WDR33: variants seen among roughly 807,000 people sequenced by gnomAD.
WDR33 encodes the protein WD repeat domain 33.
In WDR33, 47 loss-of-function variants were observed where a neutral mutation model predicts 164.9. The ratio of observed to expected loss-of-function variants is 0.29; its 90% confidence interval spans 0.23 to 0.36. WDR33 has a LOEUF of 0.36. Among genes scored for constraint, WDR33 ranks in the 10% least tolerant of loss-of-function variants. The pLI is 1.00. For synonymous variants in WDR33, 505 were observed against 589.0 expected, an observed-to-expected ratio of 0.86 and a Z score of 2.06; for missense variants, 1,137 against 1,754.1, an observed-to-expected ratio of 0.65 and a Z score of 6.28.
intron 1 of WDR33, among the ~76,000 whole-genome samples, chr2:127,780,543 A>G (rs1270073111): frequency 6.6e-6 from 1 of 152,212 alleles, no homozygotes; most frequent in Non-Finnish European, 1.5e-5. Flanking sequence ...TCAATCTGTT[A>G]AAGAATAATC....
At chr2:127,805,967 C>T (rs560805011) in intron 1 of WDR33, among the ~76,000 whole-genome samples, 4 of 149,634 alleles carry the variant, frequency 2.7e-5, no homozygotes, top group Non-Finnish European at 4.5e-5. Context: ...AAAAAAAAAC[C>T]GCAGGTGTGG....
rs10206957 is a variant in WDR33 at position 127,701,640 on chromosome 2, C to G, written c.*4683G>C. On this transcript the variant is annotated 3_prime_UTR_variant, in exon 22 of 22. Transcript: ENST00000322313. ...GGAGAAGGCGGAGGAGCCCGGGGAC[C>G]GGCCGGCGGAGGAGTGGCTGGGCCG... The G allele has an allele frequency of 0.3, 396,488 of 1,307,276 alleles. 64,748 individuals carry two copies. The highest frequency in any genetic ancestry group is 0.57 in the African/African-American group (37,241 of 64,772). The allele number at this position is 1,307,276 out of a possible 1,614,324, so 81.0% of individuals were successfully genotyped here.
Position 127,713,757 on chromosome 2 carries a change from C to G in WDR33, c.3134G>C (p.Trp1045Ser). 1 of 1,614,276 alleles carries G rather than the reference C, an allele frequency of 6.2e-7. No homozygotes were observed. Among genetic ancestry groups the G allele is most frequent in the Non-Finnish European group, 8.5e-7 (1 of 1,180,048 alleles). Residue 1045 changes from tryptophan to serine, a missense_variant, in exon 18 of 22, where the codon TGG (tryptophan) becomes TCG (serine). Coordinates refer to ENST00000322313, the MANE Select transcript of WDR33 (RefSeq NM_018383.5). This position sits in a 1 kb window ranked among gnomAD's most constrained non-coding sequence, Gnocchi z 6.2. ...RGGPLPQEEK[W>S]RRGGPGPPFP... ...CGGAGGCCCAGGGCCCCCTCGCCTC[C>G]ACTTCTCTTCTTGCGGTAAAGGTCC...
intron 7 of WDR33, among the ~76,000 whole-genome samples, chr2:127,740,104 C>G (rs184498962): frequency 6.6e-6 from 1 of 152,262 alleles, no homozygotes; most frequent in East Asian, 1.9e-4. Flanking sequence ...TAAGGTAATA[C>G]TTTTAATGTA....
chr2:127,786,863 T>TTTTTA (rs1553479882), intron 1 of WDR33, among the ~76,000 whole-genome samples: 8 of 122,772 alleles, frequency 6.5e-5, no homozygotes, highest in African/African-American at 1.3e-4. Flanking sequence ...TTTTTTTTTT[T>TTTTTA]AATTTATTTT....
chr2:127,719,970 G>T lies in WDR33; in HGVS notation c.2055C>A (p.Gly685=), dbSNP rs753786703. The T allele has an allele frequency of 1.2e-6, 2 of 1,613,924 alleles. No individual in the cohort carries two copies. Among genetic ancestry groups the T allele is most frequent in the Admixed American group, 1.7e-5 (1 of 60,018 alleles). The change falls in exon 16 of 22, where the codon GGC becomes GGA. Residue 685 remains glycine (G), a synonymous_variant. Transcript: ENST00000322313. The surrounding 1 kb of genome is among the most constrained non-coding windows in gnomAD (Gnocchi z 6.5). Reference sequence around the variant, plus strand: ...CAGGTGGCCCTTGAGGTCCCAAAGGGCCATGAGGTCCAGGATGCCTCTGCA... The same window carrying T: ...CAGGTGGCCCTTGAGGTCCCAAAGGTCCATGAGGTCCAGGATGCCTCTGCA... ...QGMQRHPGPH[G]PLGPQGPPGP... is the part of the protein sequence containing the mutation.
chr2:127,782,129 G>A (rs563559079), intron 1 of WDR33, among the ~76,000 whole-genome samples: 3 of 151,992 alleles, frequency 2.0e-5, no homozygotes, highest in Admixed American at 1.3e-4. Context: ...ATTTTCAGCC[G>A]GGCGCAGTGG....
intron 7 of WDR33, among the ~76,000 whole-genome samples, chr2:127,742,312 G>C (rs1350593155): frequency 6.6e-6 from 1 of 152,042 alleles, no homozygotes; most frequent in Non-Finnish European, 1.5e-5. Flanking sequence ...TGGATTGCTT[G>C]AGCTCAGGAG....
chr2:127,745,451 G>T (rs548185885), intron 7 of WDR33, among the ~76,000 whole-genome samples: 1 of 152,208 alleles, frequency 6.6e-6, no homozygotes, highest in East Asian at 1.9e-4. Context: ...CGGAGTGAAG[G>T]TTTCTCACCC....
chr2:127,775,169 T>C (rs1688146797), intron 1 of WDR33, among the ~76,000 whole-genome samples: 1 of 152,192 alleles, frequency 6.6e-6, no homozygotes, highest in Non-Finnish European at 1.5e-5. Flanking sequence ...AATTAAAGAA[T>C]AATGGGCTTA....
chr2:127,751,685 A>G (rs1687369489), intron 7 of WDR33, among the ~76,000 whole-genome samples: 2 of 152,212 alleles, frequency 1.3e-5, no homozygotes, highest in South Asian at 4.1e-4. Flanking sequence ...TACCACCACC[A>G]AAGTTTTGAA....
chr2:127,737,309 A>C (rs1686873719), intron 7 of WDR33: 1 of 985,298 alleles, frequency 1.0e-6, no homozygotes, highest in Non-Finnish European at 1.2e-6. Context: ...CACATGCAGA[A>C]AGCAGCAGCA....
rs992944114 is a variant in WDR33 at position 127,705,471 on chromosome 2, T to G, written c.*852A>C. ...TTGAGGACCTATTTTGGTCCATTCC[T>G]TATCAACTCCATGTGTGATTTCAAG... On this transcript the variant is annotated 3_prime_UTR_variant, in exon 22 of 22. Coordinates refer to ENST00000322313, the MANE Select transcript of WDR33 (RefSeq NM_018383.5). The surrounding 1 kb of genome is among the most constrained non-coding windows in gnomAD (Gnocchi z 4.5). 7 of 152,220 alleles carry G rather than the reference T, an allele frequency of 4.6e-5. No homozygotes were observed. Among genetic ancestry groups the G allele is most frequent in the African/African-American group, 1.7e-4 (7 of 41,454 alleles). The allele number at this position is 152,220 out of a possible 1,614,324, so 9.4% of individuals were successfully genotyped here.
chr2:127,773,117 C>T (rs1406279569), intron 1 of WDR33, among the ~76,000 whole-genome samples: 1 of 152,046 alleles, frequency 6.6e-6, no homozygotes, highest in Non-Finnish European at 1.5e-5. Flanking sequence ...ACCTGGGTGA[C>T]AGAACAAGAC....
chr2:127,734,343 T>C (rs1482318521), intron 7 of WDR33, among the ~76,000 whole-genome samples: 2 of 152,194 alleles, frequency 1.3e-5, no homozygotes, highest in African/African-American at 4.8e-5. Flanking sequence ...CAGCTAAACG[T>C]TCCTTCAGAG....
rs529691486 is a variant in WDR33, at chr2:127,721,719, C to A, written c.1671+117G>T. 20 of 1,055,226 alleles carry A rather than the reference C, an allele frequency of 1.9e-5. No homozygotes were observed. The highest frequency in any genetic ancestry group is 2.5e-5 in the Non-Finnish European group (19 of 757,730). 65.4% of individuals were successfully genotyped at this position (1,055,226 alleles called of 1,614,324 possible). On this transcript the variant is annotated intron_variant, in intron 15 of 21. Transcript: ENST00000322313. This position sits in a 1 kb window ranked among gnomAD's most constrained non-coding sequence, Gnocchi z 4.9. ...CTTCTAGCATAGCAACAGGAAATGG[C>A]GGTGTTTGTCAGACCATGGGAGAGC...
intron 21 of WDR33, among the ~76,000 whole-genome samples, chr2:127,707,471 C>G (rs1201587009): frequency 6.6e-6 from 1 of 152,130 alleles, no homozygotes; most frequent in Non-Finnish European, 1.5e-5. Flanking sequence ...GCAGCTTCAA[C>G]CCACCTGAGG....
rs192010001 is a variant in WDR33, at chr2:127,748,278, G to T, written c.724+14784C>A. On this transcript the variant is annotated intron_variant, in intron 7 of 21. Coordinates refer to ENST00000322313, the MANE Select transcript of WDR33 (RefSeq NM_018383.5). ...GACACCCCATGGTTCCCTGCGGTCT[G>T]TGTTCTTTGCTGCAATGAGCAATAA... is the stretch of plus-strand genomic sequence containing the variant. 1.3e-3 allele frequency among the ~76,000 whole-genome samples: 199 copies of T among 152,294 alleles called. 2 individuals are homozygous for T. Among genetic ancestry groups the T allele is most frequent in the Admixed American group, 0.012 (185 of 15,300 alleles).
At chr2:127,799,437 A>G (rs546469917) in intron 1 of WDR33, among the ~76,000 whole-genome samples, 5 of 152,268 alleles carry the variant, frequency 3.3e-5, no homozygotes, top group African/African-American at 1.2e-4. Context: ...CTTAAAACTC[A>G]ATAATAACAA....
Sources: allele counts gnomAD v4.1 joint callset (sites outside exome capture counted in the v4.1 genomes callset), GRCh38; gene constraint gnomAD v4.1.1; non-coding constraint Gnocchi (gnomAD v3.1); transcripts MANE v1.5; gene names NCBI Gene and HGNC (gene_info 2026-07-23, HGNC 2026-07-21).